SBNO2: variants seen among roughly 807,000 people sequenced by gnomAD.
The protein encoded by SBNO2 is strawberry notch homolog 2.
In SBNO2, 89 loss-of-function variants were observed where a neutral mutation model predicts 146.3. The ratio of observed to expected loss-of-function variants is 0.61; its 90% CI spans 0.51 to 0.73. The LOEUF is 0.73. Ranked by LOEUF, SBNO2 falls within the 30% of genes least tolerant of loss-of-function variation. The probability of loss-of-function intolerance (pLI) is 0.00; values close to 1 mark genes in which losing one functional copy is unlikely to be tolerated. For synonymous variants in SBNO2, 1,147 were observed against 892.6 expected (o/e 1.29, Z -5.08); for missense variants, 2,092 against 2,003.7 (o/e 1.04, Z -0.84).
rs1321593812 is a variant in SBNO2, at chr19:1,108,269, C to G, written c.4052G>C (p.Ser1351Thr). The G allele has an allele frequency of 7.2e-6, 11 of 1,519,992 alleles. No homozygotes were observed. In the African/African-American group the frequency reaches 1.0e-4, roughly 14 times the overall value. 94.2% of individuals were successfully genotyped at this position (1,519,992 alleles called of 1,614,324 possible). Residue 1351 changes from serine (S) to threonine (T), a missense_variant, in exon 32 of 32, where the codon AGC becomes ACC. Coordinates refer to ENST00000361757, the MANE Select transcript of SBNO2 (RefSeq NM_014963.3). ...GAAGGGPERQ[S>T]VIQFSPPFPG... is the part of the protein sequence containing the mutation. The stretch of plus-strand genomic sequence containing the variant: ...GAAGGGTGGGCTGAACTGGATCACG[C>G]TCTGCCGCTCGGGACCACCGCCCGC...
intron 1 of SBNO2, chr19:1,169,213 C>G (rs868243429): frequency 6.6e-6 from 1 of 152,288 alleles, no homozygotes; most frequent in Non-Finnish European, 1.5e-5. Flanking sequence ...ACAGTGCCTG[C>G]AGGGGAGATG....
At chr19:1,153,249 T>C (rs1466228208) in intron 2 of SBNO2, among the ~76,000 whole-genome samples, 2 of 150,718 alleles carry the variant, frequency 1.3e-5, no homozygotes, top group Non-Finnish European at 3.0e-5. Context: ...TTTTTTTTTT[T>C]CTTTTTGAGC....
intron 3 of SBNO2, among the ~76,000 whole-genome samples, chr19:1,148,232 C>T (rs985385602): frequency 3.3e-5 from 5 of 151,666 alleles, no homozygotes; most frequent in Admixed American, 1.3e-4. Context: ...GGGCAGGGAC[C>T]GCCTGGGGGC....
At position 1,107,944 on chromosome 19, in the gene SBNO2, T is replaced by G; in HGVS notation, c.*276A>C. ...CAAGGGTTTGGGCCCACTGAGCCCT[T>G]GTGGGTGCCCAGTCCCAGAGCAGCC... On this transcript the variant is annotated 3_prime_UTR_variant, in exon 32 of 32. Coordinates refer to ENST00000361757, the MANE Select transcript of SBNO2 (RefSeq NM_014963.3). The G allele has an allele frequency of 7.8e-6, 2 of 255,740 alleles. No individual in the cohort carries two copies. The highest frequency in any genetic ancestry group is 1.5e-5 in the Non-Finnish European group (2 of 132,992). The allele number at this position is 255,740 out of a possible 1,614,324, so 15.8% of individuals were successfully genotyped here.
rs2079971848 is a variant in SBNO2, at chr19:1,126,904, G to A, written c.441+700C>T. Among the ~76,000 whole-genome samples the A allele has an allele frequency of 6.6e-6, 1 of 152,202 alleles. No homozygotes were observed. Among genetic ancestry groups the A allele is most frequent in the African/African-American group, 2.4e-5 (1 of 41,444 alleles). Reference sequence around the variant, plus strand: ...TGAGTCGCACTGGGGCACGGCTAGAGGCTAGGCCCGAAGAACCTGGGGGCC... The same window carrying A: ...TGAGTCGCACTGGGGCACGGCTAGAAGCTAGGCCCGAAGAACCTGGGGGCC... On this transcript the variant is annotated intron_variant, in intron 5 of 31. Coordinates refer to ENST00000361757, the MANE Select transcript of SBNO2 (RefSeq NM_014963.3). This position sits in a 1 kb window ranked among gnomAD's most constrained non-coding sequence, Gnocchi z 4.4.
At chr19:1,119,428 C>A (rs967978866) in intron 13 of SBNO2, 88 bp downstream of exon 13, 3 of 1,072,930 alleles carry the variant, frequency 2.8e-6, no homozygotes, top group Non-Finnish European at 1.4e-6. Context: ...GGGAAGCACA[C>A]GTGGCAGTGC....
At chr19:1,162,257 A>G (rs2080355045) in intron 1 of SBNO2, among the ~76,000 whole-genome samples, 1 of 2,298 alleles carries the variant, frequency 4.4e-4, no homozygotes, top group Non-Finnish European at 9.3e-4. Context: ...CAGGAGATCG[A>G]GACCAGCCTG....
intron 4 of SBNO2, among the ~76,000 whole-genome samples, chr19:1,128,641 C>T (rs555398385): frequency 2.0e-5 from 3 of 151,360 alleles, no homozygotes; most frequent in Non-Finnish European, 4.4e-5. Flanking sequence ...GATCCATCCA[C>T]CTTGGCCTCC....
intron 12 of SBNO2, 127 bp from the exon 13 acceptor site, chr19:1,119,748 C>A: frequency 1.0e-6 from 1 of 989,710 alleles, no homozygotes; most frequent in Non-Finnish European, 1.5e-6. Context: ...TGAAGAGAGC[C>A]AGCGTGGCCT....
intron 4 of SBNO2, among the ~76,000 whole-genome samples, chr19:1,145,608 G>C (rs2080182634): frequency 2.0e-5 from 3 of 152,156 alleles, no homozygotes; most frequent in African/African-American, 7.2e-5. Context: ...GGAAGGCAGT[G>C]GCGGTGAGGA....
At chr19:1,168,494 C>T (rs1480803669) in intron 1 of SBNO2, among the ~76,000 whole-genome samples, 2 of 152,210 alleles carry the variant, frequency 1.3e-5, no homozygotes, top group Non-Finnish European at 2.9e-5. Context: ...CACCGTCCCC[C>T]GTGGCCTTGG....
In SBNO2 at chr19:1,108,283, AC is replaced by A; in HGVS notation, c.4037del (p.Gly1346ValfsTer7). ...ACTGGATCACGCTCTGCCGCTCGGG[AC>A]CACCGCCCGCCGCGCCCCCCGCCCC... ...GAGAGGAAGG[G>X]PERQSVIQFS... On this transcript the variant is annotated frameshift_variant, in exon 32 of 32. Transcript: ENST00000361757. LOFTEE classifies it high-confidence loss of function. The A allele has an allele frequency of 6.6e-7, 1 of 1,505,960 alleles. No individual in the cohort carries two copies. The highest frequency in any genetic ancestry group is 2.8e-5 in the East Asian group (1 of 35,558). 93.3% of individuals were successfully genotyped at this position (1,505,960 alleles called of 1,614,324 possible). A position where few individuals can be genotyped will look rare whatever the true frequency, so the allele number is the denominator to read the frequency against.
intron 15 of SBNO2, among the ~76,000 whole-genome samples, 172 bp from the exon 16 acceptor site, chr19:1,117,098 G>A (rs944040774): frequency 1.6e-4 from 24 of 152,138 alleles, no homozygotes; most frequent in African/African-American, 5.3e-4. Flanking sequence ...GGGGTCTGCC[G>A]GCTGCCTGTC....
In SBNO2 at chr19:1,154,272, A is replaced by C. The variant is rs375056299; in HGVS notation, c.5T>G (p.Leu2Arg). 24 of 1,264,888 alleles carry C rather than the reference A, an allele frequency of 1.9e-5. No homozygotes were observed. The East Asian group carries it at 3.9e-4, about 21-fold the overall frequency. 78.4% of individuals were successfully genotyped at this position (1,264,888 alleles called of 1,614,324 possible). Reference protein sequence around the residue: MLAVGPAMDRDY... With the variant: MRAVGPAMDRDY... ...CCTGTCCATGGCGGGCCCCACTGCA[A>C]GCATCGGGCGGCAGGCGGGGTGGGG... is the stretch of plus-strand genomic sequence containing the variant. The change falls in exon 2 of 32, where the codon CTT becomes CGT. Residue 2 changes from leucine to arginine, a missense_variant. Leu to Arg is a moderately radical substitution (Grantham distance 102, BLOSUM62 -2). Coordinates refer to ENST00000361757, the MANE Select transcript of SBNO2 (RefSeq NM_014963.3).
At chr19:1,168,732 G>C (rs1297873651) in intron 1 of SBNO2, 1 of 152,258 alleles carries the variant, frequency 6.6e-6, no homozygotes, top group African/African-American at 2.4e-5. Context: ...CTCCAGGCTG[G>C]ACGGGCAGCC....
intron 4 of SBNO2, among the ~76,000 whole-genome samples, chr19:1,146,225 A>G (rs11084885): frequency 0.13 from 20,380 of 152,016 alleles, 2,162 homozygotes; most frequent in African/African-American, 0.29. Flanking sequence ...CACAGACTCT[A>G]CTGGGGAGGC....
chr19:1,124,317 C>T (rs1476545714), intron 5 of SBNO2, among the ~76,000 whole-genome samples: 1 of 152,210 alleles, frequency 6.6e-6, no homozygotes, highest in African/African-American at 2.4e-5. Context: ...GAGGAAGGTG[C>T]CCGGCTAGTT....
Position 1,112,214 on chromosome 19 carries a change from A to T in SBNO2, c.2603T>A (p.Ile868Asn). The T allele has an allele frequency of 6.3e-7, 1 of 1,590,184 alleles. No individual in the cohort carries two copies. Among genetic ancestry groups the T allele is most frequent in the Non-Finnish European group, 8.6e-7 (1 of 1,168,638 alleles). The change falls in exon 22 of 32, where the codon ATC becomes AAC. Residue 868 changes from isoleucine to asparagine, a missense_variant. Transcript: ENST00000361757. The surrounding 1 kb of genome is among the most constrained non-coding windows in gnomAD (Gnocchi z 5.9). ...CAGACTCTCCAGGCGCTTGGCCACG[A>T]TGGAGGCGAACCGGCGCTCCCCGGC... The part of the protein sequence containing the change: ...ELAGERRFAS[I>N]VAKRLESLGA...
In SBNO2 at chr19:1,108,291, C is replaced by T. The variant is rs2079697857; in HGVS notation, c.4030G>A (p.Gly1344Ser). 2.0e-6 allele frequency: 3 copies of T among 1,497,800 alleles called. No individual in the cohort carries two copies. The highest frequency in any genetic ancestry group is 2.7e-6 in the Non-Finnish European group (3 of 1,120,902). The allele number at this position is 1,497,800 out of a possible 1,614,324, so 92.8% of individuals were successfully genotyped here. ...ACGCTCTGCCGCTCGGGACCACCGC[C>T]CGCCGCGCCCCCCGCCCCCGCGCCC... The part of the protein sequence containing the change: ...GEGAGAGGAA[G>S]GGPERQSVIQ... Residue 1344 changes from glycine (G) to serine (S), a missense_variant, in exon 32 of 32, where the codon GGC becomes AGC. Coordinates refer to ENST00000361757, the MANE Select transcript of SBNO2 (RefSeq NM_014963.3).
Sources: gnomAD v4.1 joint callset for allele counts (sites outside exome capture counted in the v4.1 genomes callset) on GRCh38, gnomAD v4.1.1 for gene constraint, Gnocchi (gnomAD v3.1) non-coding constraint, MANE v1.5 for transcripts, NCBI Gene and HGNC (gene_info 2026-07-23, HGNC 2026-07-21) for gene names.